Variants in KCNAB1 observed in about 807,000 individuals in gnomAD.
The protein encoded by KCNAB1 is voltage-gated potassium channel subunit beta-1.
A neutral mutation model predicts 64.6 loss-of-function variants in KCNAB1; 35 were observed. The ratio of observed to expected loss-of-function variants is 0.54; its 90% CI spans 0.41 to 0.72. The LOEUF is 0.72. KCNAB1 is among the 30% of genes least tolerant of loss of function. KCNAB1 has a pLI of 0.00. For synonymous variants in KCNAB1, 177 were observed against 183.8 expected (o/e 0.96, Z 0.30); for missense variants, 401 against 512.9 (o/e 0.78, Z 2.11).
At chr3:156,291,764 G>T (rs964851685) in intron 1 of KCNAB1, 97 of 1,477,128 alleles carry the variant, frequency 6.6e-5, no homozygotes, top group Middle Eastern at 2.5e-4. Context: ...AAAGTCAGCC[G>T]CCAGGACTCC....
chr3:156,368,820 C>A (rs1726120984), intron 1 of KCNAB1, among the ~76,000 whole-genome samples: 1 of 152,206 alleles, frequency 6.6e-6, no homozygotes, highest in Admixed American at 6.5e-5. Context: ...CAATGTTATT[C>A]CATCTCCTGC....
intron 1 of KCNAB1, among the ~76,000 whole-genome samples, chr3:156,410,816 T>A (rs1172004615): frequency 6.6e-6 from 1 of 152,256 alleles, no homozygotes; most frequent in Non-Finnish European, 1.5e-5. Context: ...TGTATGAATG[T>A]ACCCAAATTT....
At chr3:156,258,572 A>G (rs1252443203) in intron 1 of KCNAB1, among the ~76,000 whole-genome samples, 1 of 152,160 alleles carries the variant, frequency 6.6e-6, no homozygotes, top group Non-Finnish European at 1.5e-5. Context: ...GTTCTGTCCT[A>G]TGCAACAACA....
At chr3:156,176,892 C>G (rs1039049450) in intron 1 of KCNAB1, 6 of 1,141,074 alleles carry the variant, frequency 5.3e-6, no homozygotes, top group South Asian at 1.4e-5. Context: ...TGGGCCTGTA[C>G]GCTTCTGCTG....
At chr3:156,119,105 G>A (rs1314427814), upstream of KCNAB1, among the ~76,000 whole-genome samples, 2 of 152,160 alleles carry the variant, frequency 1.3e-5, no homozygotes, top group Non-Finnish European at 2.9e-5. Context: ...TCACCCAAAT[G>A]TGCAAGAGCC....
intron 8 of KCNAB1, among the ~76,000 whole-genome samples, chr3:156,492,376 T>A (rs1416443875): frequency 1.3e-5 from 2 of 152,016 alleles, no homozygotes. Context: ...AAGACACAAG[T>A]GATGTTATAT....
intron 1 of KCNAB1, among the ~76,000 whole-genome samples, chr3:156,239,560 C>T (rs1717047544): frequency 6.6e-6 from 1 of 152,164 alleles, no homozygotes; most frequent in Admixed American, 6.5e-5. Context: ...TGTTGAAAAG[C>T]CCATTCTGAC....
intron 1 of KCNAB1, among the ~76,000 whole-genome samples, chr3:156,236,435 G>A (rs2108442361): frequency 1.3e-5 from 2 of 152,250 alleles, no homozygotes; most frequent in South Asian, 4.1e-4. Flanking sequence ...TCTAGGAGTG[G>A]TGTCCAGAAT....
chr3:156,451,720 C>T (rs530982952), intron 2 of KCNAB1, among the ~76,000 whole-genome samples: 14 of 152,318 alleles, frequency 9.2e-5, no homozygotes, highest in Non-Finnish European at 1.6e-4. Context: ...CTCCCTGGTG[C>T]TCCCACATTT....
At chr3:156,529,596 T>C (rs1300689493) in intron 12 of KCNAB1, among the ~76,000 whole-genome samples, 2 of 151,970 alleles carry the variant, frequency 1.3e-5, no homozygotes, top group African/African-American at 2.4e-5. Flanking sequence ...AATCAGAAAC[T>C]CAGCGGGTGA....
chr3:156,255,605 A>G (rs1718058904), intron 1 of KCNAB1, among the ~76,000 whole-genome samples: 1 of 152,140 alleles, frequency 6.6e-6, no homozygotes, highest in Non-Finnish European at 1.5e-5. Context: ...GCATTTGCCC[A>G]GTACTTCATG....
At chr3:156,270,943 T>C (rs948539353) in intron 1 of KCNAB1, among the ~76,000 whole-genome samples, 2 of 152,228 alleles carry the variant, frequency 1.3e-5, no homozygotes, top group African/African-American at 2.4e-5. Context: ...GAAGGAAATT[T>C]TCATCAGGTA....
intron 1 of KCNAB1, among the ~76,000 whole-genome samples, chr3:156,309,050 A>G (rs1164173899): frequency 6.6e-6 from 1 of 152,194 alleles, no homozygotes; most frequent in African/African-American, 2.4e-5. Context: ...AAAAAGAAAA[A>G]ATAATCTTCC....
intron 2 of KCNAB1, among the ~76,000 whole-genome samples, chr3:156,437,256 C>T (rs114221046): frequency 9.2e-5 from 14 of 152,204 alleles, no homozygotes; most frequent in African/African-American, 3.4e-4. Flanking sequence ...TTTTCAGTTA[C>T]CTCTGCTAAG....
chr3:156,139,888 A>C (rs1245255665), intron 1 of KCNAB1, among the ~76,000 whole-genome samples: 3 of 152,128 alleles, frequency 2.0e-5, no homozygotes, highest in Non-Finnish European at 4.4e-5. Flanking sequence ...TAAGAGGTAC[A>C]CTTGCAAGAG....
At chr3:156,318,712 T>C (rs1326566150) in intron 1 of KCNAB1, among the ~76,000 whole-genome samples, 3 of 152,238 alleles carry the variant, frequency 2.0e-5, no homozygotes, top group African/African-American at 2.4e-5. Context: ...TAAATTTTAA[T>C]GTTGACAAAT....
intron 6 of KCNAB1, 95 bp downstream of exon 6, chr3:156,463,841 T>C: frequency 1.1e-6 from 1 of 925,434 alleles, no homozygotes. Context: ...CAAAATTAAT[T>C]GGCTTAGAGA....
chr3:156,476,920 T>C (rs1428213001), intron 8 of KCNAB1, among the ~76,000 whole-genome samples: 1 of 152,188 alleles, frequency 6.6e-6, no homozygotes, highest in Non-Finnish European at 1.5e-5. Flanking sequence ...TTTCCTCTTT[T>C]AGACAGTGTT....
At chr3:156,346,645 G>A (rs187625235) in intron 1 of KCNAB1, among the ~76,000 whole-genome samples, 1 of 152,210 alleles carries the variant, frequency 6.6e-6, no homozygotes, top group Non-Finnish European at 1.5e-5. Flanking sequence ...TAAGCTTCAG[G>A]TTGCTGTGAG....
Sources: gnomAD v4.1 joint callset for allele counts (sites outside exome capture counted in the v4.1 genomes callset) on GRCh38, gnomAD v4.1.1 for gene constraint, MANE v1.5 for transcripts, NCBI Gene and HGNC (gene_info 2026-07-23, HGNC 2026-07-21) for gene names.